The following CCDC7 variants were observed in gnomAD, a reference collection of about 807,000 sequenced individuals.
CCDC7 encodes the protein coiled-coil domain containing 7, also known as coiled-coil domain-containing protein 7.
A neutral mutation model predicts 196.9 loss-of-function variants in CCDC7; 183 were observed. The observed-to-expected ratio is 0.93, with a 90% confidence interval of 0.82 to 1.05. CCDC7 has a LOEUF of 1.05. CCDC7 is among the 50% of genes least tolerant of loss of function. CCDC7 has a pLI of 0.00. For missense variants in CCDC7, 1,540 were observed against 1,482.2 expected (o/e 1.04, Z -0.64); for synonymous variants, 525 against 484.6 (o/e 1.08, Z -1.10).
intron 21 of CCDC7, among the ~76,000 whole-genome samples, chr10:32,684,957 ATTTTT>A (rs34155403): frequency 0.044 from 6,513 of 148,668 alleles, 475 homozygotes; most frequent in African/African-American, 0.16. Flanking sequence ...ATTTAATTTA[ATTTTT>A]TTTTTTTTTG....
intron 11 of CCDC7, among the ~76,000 whole-genome samples, chr10:32,543,093 G>A (rs1015252680): frequency 3.3e-5 from 5 of 152,032 alleles, no homozygotes; most frequent in African/African-American, 1.2e-4. Flanking sequence ...ATATGTATTA[G>A]GTTATATACA....
Position 32,490,777 on chromosome 10 carries a change from G to A in CCDC7, c.797-1145G>A, listed in dbSNP as rs1468490565. 2.6e-5 allele frequency among the ~76,000 whole-genome samples: 4 copies of A among 151,828 alleles called. No homozygotes were observed. In the East Asian group the frequency reaches 5.8e-4, roughly 22 times the overall value. On this transcript the variant is annotated intron_variant, in intron 8 of 41. Transcript: ENST00000639629. ...CGCGCCACTGCACTCCAGCCTGGGC[G>A]ACAGAGCGAGACTCCGCCTCAAAAA...
chr10:32,787,778 A>T (rs2082096762), intron 29 of CCDC7, among the ~76,000 whole-genome samples: 1 of 152,180 alleles, frequency 6.6e-6, no homozygotes, highest in South Asian at 2.1e-4. Context: ...TCCCACCGTC[A>T]GACCAGCTCT....
At chr10:32,848,236 G>A in intron 38 of CCDC7, among the ~76,000 whole-genome samples, 1 of 152,092 alleles carries the variant, frequency 6.6e-6, no homozygotes, top group East Asian at 1.9e-4. Context: ...TTCAATTGGG[G>A]CAGGGGGGAT....
chr10:32,695,438 G>C (rs2077586160), intron 24 of CCDC7, among the ~76,000 whole-genome samples: 2 of 152,142 alleles, frequency 1.3e-5, no homozygotes. Flanking sequence ...GTCACTGGAG[G>C]GTCTCCAGAA....
chr10:32,471,038 A>G (rs2037836905), intron 5 of CCDC7, 26 bp from the exon 7 acceptor site: 1 of 1,543,596 alleles, frequency 6.5e-7, no homozygotes. Context: ...TATTTACTAA[A>G]TAACTGGTTA....
chr10:32,671,068 A>G (rs2140737870), intron 21 of CCDC7, among the ~76,000 whole-genome samples: 1 of 152,322 alleles, frequency 6.6e-6, no homozygotes, highest in South Asian at 2.1e-4. Context: ...AGGTTAATTT[A>G]TTATTGAATA....
chr10:32,811,460 A>C (rs1407164905), intron 30 of CCDC7, among the ~76,000 whole-genome samples: 2 of 152,076 alleles, frequency 1.3e-5, no homozygotes, highest in Non-Finnish European at 2.9e-5. Context: ...AGAAATAGAA[A>C]ATCTGGTTAA....
chr10:32,565,526 A>G, intron 13 of CCDC7, 32 bp from the exon 15 acceptor site: 3 of 1,597,758 alleles, frequency 1.9e-6, no homozygotes, highest in Non-Finnish European at 2.6e-6. Flanking sequence ...ATACCAAAGT[A>G]AATACCTTTT....
intron 32 of CCDC7, among the ~76,000 whole-genome samples, chr10:32,828,479 G>A (rs186393160): frequency 0.023 from 1,394 of 60,852 alleles, 36 homozygotes; most frequent in Middle Eastern, 0.06. Context: ...AAGAGGAAGA[G>A]GAAGAGGAAG....
chr10:32,683,585 A>G (rs2076105624), intron 21 of CCDC7, among the ~76,000 whole-genome samples: 1 of 152,202 alleles, frequency 6.6e-6, no homozygotes, highest in Non-Finnish European at 1.5e-5. Context: ...AATTTTAGCA[A>G]TATTGATTCT....
chr10:32,588,846 T>C (rs2990964), intron 18 of CCDC7, among the ~76,000 whole-genome samples: 3,173 of 152,170 alleles, frequency 0.021, 44 homozygotes, highest in Non-Finnish European at 0.033. Flanking sequence ...TGTTCAGATT[T>C]TCTTTTTTAA....
At chr10:32,627,943 A>ATG (rs2064288670) in intron 18 of CCDC7, among the ~76,000 whole-genome samples, 1 of 151,840 alleles carries the variant, frequency 6.6e-6, no homozygotes, top group African/African-American at 2.4e-5. Context: ...CTTTGCATCT[A>ATG]TGTTCATCAA....
At chr10:32,811,936 G>A (rs1234628241) in intron 30 of CCDC7, among the ~76,000 whole-genome samples, 6 of 151,894 alleles carry the variant, frequency 4.0e-5, no homozygotes, top group Non-Finnish European at 8.8e-5. Flanking sequence ...AATAAACAAG[G>A]TAGATCAACA....
At chr10:32,446,815 AT>A (rs2031228915), upstream of CCDC7, among the ~76,000 whole-genome samples, 1 of 151,984 alleles carries the variant, frequency 6.6e-6, no homozygotes, top group Admixed American at 6.5e-5. Context: ...GCGTGTGACT[AT>A]TTTTGTATTT....
intron 11 of CCDC7, 132 bp downstream of exon 12, chr10:32,518,637 T>A: frequency 1.5e-6 from 1 of 688,622 alleles, no homozygotes; most frequent in Non-Finnish European, 2.1e-6. Flanking sequence ...AGCTATGCTT[T>A]AAAAATAAAA....
intron 31 of CCDC7, among the ~76,000 whole-genome samples, chr10:32,817,852 A>T (rs1195461536): frequency 1.3e-5 from 2 of 152,240 alleles, no homozygotes; most frequent in African/African-American, 2.4e-5. Context: ...AAACATGGAA[A>T]GGAACAACCG....
chr10:32,518,858 A>G lies in CCDC7; in HGVS notation c.993+353A>G, dbSNP rs562159472. On this transcript the variant is annotated intron_variant, in intron 11 of 41. Transcript: ENST00000639629. ...TGTGTGTCCCAGTTCATTATACCAA[A>G]TAGAGTAAATAGAAATAGAAATGCA... 2.4e-3 allele frequency among the ~76,000 whole-genome samples: 360 copies of G among 152,236 alleles called. 2 individuals are homozygous for G. The highest frequency in any genetic ancestry group is 8.2e-3 in the African/African-American group (342 of 41,562).
At chr10:32,739,864 C>T (rs1050932668) in intron 28 of CCDC7, among the ~76,000 whole-genome samples, 1 of 151,514 alleles carries the variant, frequency 6.6e-6, no homozygotes, top group Admixed American at 6.6e-5. Flanking sequence ...TTTTGCCCCC[C>T]CCCACCAAAC....
Sources: gnomAD v4.1 joint callset for allele counts (sites outside exome capture counted in the v4.1 genomes callset) on GRCh38, gnomAD v4.1.1 for gene constraint, MANE v1.5 for transcripts, NCBI Gene and HGNC (gene_info 2026-07-23, HGNC 2026-07-21) for gene names.